CLUAP1: variants seen among roughly 807,000 people sequenced by gnomAD.
CLUAP1 encodes intraflagellar transport 38.
A neutral mutation model predicts 55.0 loss-of-function variants in CLUAP1; 50 were observed. The observed-to-expected ratio is 0.91, with a 90% CI of 0.72 to 1.15. The LOEUF is 1.15. Among genes scored for constraint, CLUAP1 ranks in the 50% most tolerant of loss-of-function variants. The pLI is 0.00. For synonymous variants in CLUAP1, 195 were observed against 175.4 expected, an observed-to-expected ratio of 1.11 and a Z score of -0.88; for missense variants, 530 against 507.6, an observed-to-expected ratio of 1.04 and a Z score of -0.42.
At chr16:3,496,212 C>T, upstream of CLUAP1, 1 of 581,724 alleles carries the variant, frequency 1.7e-6, no homozygotes, top group Non-Finnish European at 3.3e-6. Flanking sequence ...TGGGAGCTGA[C>T]GTCCGCCACA....
chr16:3,521,391 A>T (rs2037829016), intron 7 of CLUAP1, among the ~76,000 whole-genome samples: 1 of 151,992 alleles, frequency 6.6e-6, no homozygotes, highest in African/African-American at 2.4e-5. Context: ...AAGAAAAAAG[A>T]AAAAGTTCAG....
intron 8 of CLUAP1, among the ~76,000 whole-genome samples, chr16:3,524,620 A>T (rs1013839368): frequency 6.6e-6 from 1 of 151,144 alleles, no homozygotes; most frequent in Non-Finnish European, 1.5e-5. Context: ...AAAAAAAAAA[A>T]AGAAAGAGAT....
intron 7 of CLUAP1, among the ~76,000 whole-genome samples, chr16:3,520,245 A>C (rs973252480): frequency 2.4e-4 from 37 of 151,736 alleles, no homozygotes; most frequent in African/African-American, 9.0e-4. Context: ...GGTGATACAC[A>C]CCTGTAGTCC....
chr16:3,528,306 CCA>C (rs1042297711), intron 9 of CLUAP1, among the ~76,000 whole-genome samples: 23 of 152,110 alleles, frequency 1.5e-4, no homozygotes, highest in African/African-American at 5.1e-4. Context: ...ACACATGCTC[CCA>C]CACACACTCT....
chr16:3,504,862 G>A (rs376254702), intron 2 of CLUAP1, 31 bp downstream of exon 2: 5 of 1,183,618 alleles, frequency 4.2e-6, no homozygotes, highest in Non-Finnish European at 6.4e-6. Context: ...ACATCTAAGA[G>A]TGAATACTGG....
intron 2 of CLUAP1, 114 bp from the exon 3 acceptor site, chr16:3,506,217 G>A: frequency 1.2e-6 from 1 of 805,024 alleles, no homozygotes; most frequent in East Asian, 2.5e-5. Flanking sequence ...CTCCCACTTG[G>A]GGACTTGGAG....
At chr16:3,531,997 C>G (rs1370577801) in intron 10 of CLUAP1, among the ~76,000 whole-genome samples, 1 of 152,084 alleles carries the variant, frequency 6.6e-6, no homozygotes, top group Non-Finnish European at 1.5e-5. Flanking sequence ...TGCCACCACA[C>G]CCAGCTAATT....
chr16:3,496,435 CA>C, upstream of CLUAP1: 1 of 885,360 alleles, frequency 1.1e-6, no homozygotes. Flanking sequence ...GCTGGGAAAA[CA>C]AAACGGCCGT....
rs578075720 is a variant in CLUAP1 at position 3,536,192 on chromosome 16, G to C, written c.1163G>C (p.Ser388Thr). 1 of 1,614,148 alleles carries C rather than the reference G, an allele frequency of 6.2e-7. No individual in the cohort carries two copies. Among genetic ancestry groups the C allele is most frequent in the South Asian group, 1.1e-5 (1 of 91,082 alleles). Reference protein sequence around the residue: ...DDEDDDLEDESISLSPTKPNR... With the variant: ...DDEDDDLEDETISLSPTKPNR... ...GAGGATGACGATTTGGAAGACGAGA[G>C]CATTTCTCTCTCACCAACCAAGCCC... is the stretch of plus-strand genomic sequence containing the variant. The change falls in exon 12 of 12, where the codon AGC becomes ACC. Residue 388 changes from serine to threonine, a missense_variant. Physicochemically the swap from Ser to Thr is moderately conservative, Grantham distance 58. Transcript: ENST00000576634.
chr16:3,507,845 C>A (rs1215690807), intron 3 of CLUAP1, among the ~76,000 whole-genome samples: 1 of 152,024 alleles, frequency 6.6e-6, no homozygotes, highest in South Asian at 2.1e-4. Flanking sequence ...AGAGAACTTT[C>A]CAAATACATA....
upstream of CLUAP1, chr16:3,496,578 A>G (rs1449458283): frequency 7.4e-6 from 4 of 539,394 alleles, no homozygotes; most frequent in Non-Finnish European, 1.5e-5. Flanking sequence ...ACTTTCGATC[A>G]GCTGGCCCTG....
intron 9 of CLUAP1, among the ~76,000 whole-genome samples, chr16:3,529,796 A>C (rs1207238407): frequency 1.6e-5 from 1 of 61,674 alleles, no homozygotes; most frequent in East Asian, 4.7e-4. Context: ...AATATATATT[A>C]TATTATTATA....
chr16:3,500,808 C>T (rs1245096526), upstream of CLUAP1: 3 of 553,066 alleles, frequency 5.4e-6, no homozygotes, highest in Non-Finnish European at 9.7e-6. Context: ...AACAGACGCC[C>T]AGAAGCTGGG....
Position 3,526,460 on chromosome 16 carries a change from G to A in CLUAP1, c.904G>A (p.Glu302Lys), listed in dbSNP as rs2037944768. 6.2e-7 allele frequency: 1 copy of A among 1,609,012 alleles called. No individual in the cohort carries two copies. The change falls in exon 9 of 12, where the codon GAG becomes AAG. Residue 302 changes from glutamate to lysine, a missense_variant. Glu to Lys is a moderately conservative substitution (Grantham distance 56, BLOSUM62 1). Coordinates refer to ENST00000576634, the MANE Select transcript of CLUAP1 (RefSeq NM_015041.3). ...CLIQNKLKEE[E>K]KRLLKSGSND... is the part of the protein sequence containing the mutation. Reference sequence around the variant, plus strand: ...GATACAGAACAAGCTCAAGGAGGAAGAGAAGCGCCTGCTCAAGAGTGGAAG... The same window carrying A: ...GATACAGAACAAGCTCAAGGAGGAAAAGAAGCGCCTGCTCAAGAGTGGAAG...
At chr16:3,500,543 T>C (rs958894063), upstream of CLUAP1, among the ~76,000 whole-genome samples, 28 of 152,050 alleles carry the variant, frequency 1.8e-4, no homozygotes, top group Admixed American at 1.4e-3. Context: ...CAAATTTTTG[T>C]ATTTTTTGGT....
At chr16:3,503,925 A>G (rs972112571) in intron 1 of CLUAP1, among the ~76,000 whole-genome samples, 7 of 152,190 alleles carry the variant, frequency 4.6e-5, no homozygotes, top group Non-Finnish European at 8.8e-5. Context: ...ACCATTTTGA[A>G]CATGGATCTT....
intron 10 of CLUAP1, among the ~76,000 whole-genome samples, chr16:3,531,533 AAG>A (rs1223637471): frequency 6.6e-6 from 1 of 152,026 alleles, no homozygotes; most frequent in Non-Finnish European, 1.5e-5. Context: ...AAAAAAAAAA[AAG>A]AGTTAAAACA....
At chr16:3,511,713 G>A (rs898620968) in intron 4 of CLUAP1, among the ~76,000 whole-genome samples, 15 of 152,146 alleles carry the variant, frequency 9.9e-5, no homozygotes, top group African/African-American at 3.4e-4. Flanking sequence ...GGTGACATTA[G>A]GTTTTTTGGA....
At chr16:3,519,033 T>A (rs1240619030) in intron 6 of CLUAP1, among the ~76,000 whole-genome samples, 1 of 152,178 alleles carries the variant, frequency 6.6e-6, no homozygotes, top group East Asian at 1.9e-4. Context: ...CTCAGCTGGG[T>A]GGCAGTCCAG....
Sources: allele counts gnomAD v4.1 joint callset (sites outside exome capture counted in the v4.1 genomes callset), GRCh38; gene constraint gnomAD v4.1.1; transcripts MANE v1.5; gene names NCBI Gene and HGNC (gene_info 2026-07-23, HGNC 2026-07-21).